Variants in ATXN8OS observed in about 807,000 individuals in gnomAD.
ATXN8OS encodes the protein ATXN8 opposite strand (non-protein coding).
At chr13:70,145,536 G>GT (rs1593771396) in intron 3 of ATXN8OS, among the ~76,000 whole-genome samples, 2 of 151,928 alleles carry the variant, frequency 1.3e-5, no homozygotes, top group African/African-American at 4.8e-5. Flanking sequence ...TTGAGCAGTG[G>GT]TTTGTAGTTC....
chr13:70,112,669 T>G (rs180973979), intron 1 of ATXN8OS, among the ~76,000 whole-genome samples: 2 of 152,060 alleles, frequency 1.3e-5, no homozygotes, highest in Non-Finnish European at 2.9e-5. Flanking sequence ...TTGATTTAGA[T>G]CTGGCAATAC....
upstream of ATXN8OS, chr13:70,107,769 C>A: frequency 8.1e-7 from 1 of 1,230,732 alleles, no homozygotes; most frequent in South Asian, 1.6e-5. Context: ...TGGGGGAGGA[C>A]AGCGGGGCCC....
At chr13:70,143,468 T>C (rs1888743480) in intron 3 of ATXN8OS, among the ~76,000 whole-genome samples, 1 of 152,144 alleles carries the variant, frequency 6.6e-6, no homozygotes, top group Admixed American at 6.6e-5. Context: ...TGGTGTTCTG[T>C]GCTCACGTCA....
intron 4 of ATXN8OS, among the ~76,000 whole-genome samples, chr13:70,148,057 T>C (rs747436016): frequency 1.3e-5 from 2 of 152,116 alleles, no homozygotes; most frequent in Non-Finnish European, 2.9e-5. Flanking sequence ...AAGGTAAGAC[T>C]GGAAGAGAGT....
intron 2 of ATXN8OS, chr13:70,129,642 A>C: frequency 2.5e-6 from 1 of 394,474 alleles, no homozygotes; most frequent in Non-Finnish European, 4.5e-6. Flanking sequence ...CTATGTTCTA[A>C]AGGTGTTTGA....
At position 70,111,461 on chromosome 13, in the gene ATXN8OS, T is replaced by A. The variant is rs187700417; in HGVS notation, n.240+3442T>A. 1.7e-3 allele frequency among the ~76,000 whole-genome samples: 259 copies of A among 152,298 alleles called. 1 individual carries two copies. Among genetic ancestry groups the A allele is most frequent in the African/African-American group, 6.1e-3 (252 of 41,578 alleles). Reference sequence around the variant, plus strand: ...CATCATATGGCAATGGGGTTAAGCATGCTGTCTCAGGTCCCTCTTCCTTTT... The same window carrying A: ...CATCATATGGCAATGGGGTTAAGCAAGCTGTCTCAGGTCCCTCTTCCTTTT... On this transcript the variant is annotated intron_variant and non_coding_transcript_variant, in intron 1 of 4. Transcript: ENST00000678624.
chr13:70,141,042 T>C (rs151001823), intron 3 of ATXN8OS, among the ~76,000 whole-genome samples: 279 of 152,294 alleles, frequency 1.8e-3, no homozygotes, highest in African/African-American at 6.3e-3. Context: ...AAAGACTATA[T>C]TTAGTTTTTA....
chr13:70,142,855 C>T (rs1888735885), intron 3 of ATXN8OS, among the ~76,000 whole-genome samples: 1 of 152,156 alleles, frequency 6.6e-6, no homozygotes, highest in Non-Finnish European at 1.5e-5. Context: ...GGGAGGATCA[C>T]CTGAGGTCGG....
intron 3 of ATXN8OS, among the ~76,000 whole-genome samples, chr13:70,146,085 C>T: frequency 7.1e-6 from 1 of 141,072 alleles, no homozygotes; most frequent in Non-Finnish European, 1.5e-5. Context: ...AAAACAACCC[C>T]ATCAAAAAGT....
intron 1 of ATXN8OS, among the ~76,000 whole-genome samples, chr13:70,111,780 C>T (rs980410075): frequency 3.9e-5 from 6 of 152,132 alleles, no homozygotes; most frequent in Admixed American, 3.9e-4. Context: ...AGGCCTTCTG[C>T]AATGCCTAGA....
exon 5 of ATXN8OS, among the ~76,000 whole-genome samples, chr13:70,170,732 G>A (rs1000121485): frequency 1.1e-4 from 16 of 152,010 alleles, no homozygotes; most frequent in African/African-American, 3.1e-4. Flanking sequence ...ATACAGTCAC[G>A]CATCATTTAA....
At chr13:70,129,762 C>T (rs1888502252) in intron 2 of ATXN8OS, 1 of 398,254 alleles carries the variant, frequency 2.5e-6, no homozygotes. Context: ...CCTGAACTCT[C>T]TCTCTGCTTT....
At chr13:70,152,371 A>G (rs1219523940) in intron 4 of ATXN8OS, among the ~76,000 whole-genome samples, 1 of 151,898 alleles carries the variant, frequency 6.6e-6, no homozygotes, top group African/African-American at 2.4e-5. Context: ...ATATATACAT[A>G]TATATGTATA....
At chr13:70,148,342 T>C (rs1239272419) in intron 4 of ATXN8OS, among the ~76,000 whole-genome samples, 1 of 152,172 alleles carries the variant, frequency 6.6e-6, no homozygotes, top group Non-Finnish European at 1.5e-5. Context: ...CTGTTATCCA[T>C]CAAGAGTCGG....
chr13:70,107,710 C>A (rs1420624184), upstream of ATXN8OS: 1 of 1,511,826 alleles, frequency 6.6e-7, no homozygotes, highest in East Asian at 2.3e-5. Flanking sequence ...GCTTTACGCA[C>A]AGAAGGCAAA....
chr13:70,116,296 G>T (rs1334068921), intron 2 of ATXN8OS, among the ~76,000 whole-genome samples: 1 of 152,052 alleles, frequency 6.6e-6, no homozygotes, highest in Non-Finnish European at 1.5e-5. Context: ...AATAAACCAT[G>T]GAAGAAATAC....
At chr13:70,119,506 G>T (rs1888328499) in intron 2 of ATXN8OS, among the ~76,000 whole-genome samples, 1 of 152,086 alleles carries the variant, frequency 6.6e-6, no homozygotes, top group Non-Finnish European at 1.5e-5. Context: ...TTATTACAGT[G>T]TGAACTGATT....
chr13:70,113,214 C>A (rs1044379946), intron 1 of ATXN8OS, among the ~76,000 whole-genome samples: 4 of 151,976 alleles, frequency 2.6e-5, no homozygotes, highest in African/African-American at 7.2e-5. Flanking sequence ...GCCACAGCGC[C>A]TGGCCTATGA....
At chr13:70,120,068 A>T (rs2137474445) in intron 2 of ATXN8OS, among the ~76,000 whole-genome samples, 1 of 152,270 alleles carries the variant, frequency 6.6e-6, no homozygotes, top group East Asian at 1.9e-4. Flanking sequence ...AAAGGTAAAT[A>T]ATTTAAGTGG....
Sources: gnomAD v4.1 joint callset for allele counts (sites outside exome capture counted in the v4.1 genomes callset) on GRCh38, gnomAD v4.1.1 for gene constraint, MANE v1.5 for transcripts, NCBI Gene and HGNC (gene_info 2026-07-23, HGNC 2026-07-21) for gene names.